The following AEBP2 variants were observed in gnomAD, a reference collection of about 807,000 sequenced individuals.
The protein encoded by AEBP2 is zinc finger protein AEBP2.
A neutral mutation model predicts 50.8 loss-of-function variants in AEBP2; 10 were observed. The ratio of observed to expected loss-of-function variants is 0.20; its 90% CI spans 0.12 to 0.33. The LOEUF (loss-of-function observed/expected upper bound fraction) is 0.33, where lower values mean the gene tolerates loss of function less well. AEBP2 is among the 10% of genes least tolerant of loss of function. The probability of loss-of-function intolerance (pLI) is 1.00; values close to 1 mark genes in which losing one functional copy is unlikely to be tolerated. For synonymous variants in AEBP2, 296 were observed against 261.3 expected, an observed-to-expected ratio of 1.13 and a Z score of -1.28; for missense variants, 570 against 688.0, an observed-to-expected ratio of 0.83 and a Z score of 1.92.
chr12:19,508,928 C>T (rs536317402), intron 5 of AEBP2: 5 of 411,694 alleles, frequency 1.2e-5, no homozygotes, highest in Admixed American at 2.5e-5. Flanking sequence ...GACATACTGT[C>T]GTAGGCTTTT....
chr12:19,473,271 T>A lies in AEBP2; in HGVS notation c.903T>A (p.Gly301=). The A allele has an allele frequency of 2.0e-6, 3 of 1,506,884 alleles. No homozygotes were observed. The highest frequency in any genetic ancestry group is 2.7e-6 in the Non-Finnish European group (3 of 1,125,918). The allele number at this position is 1,506,884 out of a possible 1,614,324, so 93.3% of individuals were successfully genotyped here. A position where few individuals can be genotyped will look rare whatever the true frequency, so the allele number is the denominator to read the frequency against. ...AGGTATTTGTTTGCTTATGGAAAGG[T>A]TGTAAAGTATATAACACTCCATCTA... The part of the protein sequence containing the change: ...RGGVFVCLWK[G]CKVYNTPSTS... The change falls in exon 3 of 8, where the codon GGT becomes GGA. Residue 301 remains glycine (G), a synonymous_variant. Transcript: ENST00000266508.
intron 1 of AEBP2, among the ~76,000 whole-genome samples, chr12:19,462,194 G>T (rs1184192983): frequency 6.6e-6 from 1 of 152,162 alleles, no homozygotes; most frequent in East Asian, 1.9e-4. Context: ...GGGATGAGAT[G>T]TGATAAGCTG....
At chr12:19,483,339 G>A (rs553550955) in intron 3 of AEBP2, among the ~76,000 whole-genome samples, 5 of 152,150 alleles carry the variant, frequency 3.3e-5, no homozygotes, top group African/African-American at 7.2e-5. Flanking sequence ...AATCCGTCTC[G>A]TCTCCCATGA....
At chr12:19,514,000 T>G (rs530302128) in intron 6 of AEBP2, among the ~76,000 whole-genome samples, 1 of 151,320 alleles carries the variant, frequency 6.6e-6, no homozygotes, top group African/African-American at 2.4e-5. Flanking sequence ...CTGTTTTTTG[T>G]TTTTTTGGTT....
intron 3 of AEBP2, among the ~76,000 whole-genome samples, chr12:19,483,985 T>C (rs1948769378): frequency 1.3e-5 from 2 of 152,224 alleles, no homozygotes; most frequent in Admixed American, 1.3e-4. Flanking sequence ...GTCTGCCTAA[T>C]GTTGGAGTGT....
chr12:19,471,635 C>A (rs1335265810), intron 2 of AEBP2, among the ~76,000 whole-genome samples: 1 of 151,948 alleles, frequency 6.6e-6, no homozygotes, highest in Non-Finnish European at 1.5e-5. Flanking sequence ...TAGCCCTATG[C>A]CCCACCACCA....
chr12:19,495,293 A>C (rs993348831), intron 4 of AEBP2, among the ~76,000 whole-genome samples: 5 of 152,248 alleles, frequency 3.3e-5, no homozygotes, highest in African/African-American at 1.2e-4. Flanking sequence ...AGTCTACTCC[A>C]AAGGTGAATT....
intron 5 of AEBP2, among the ~76,000 whole-genome samples, chr12:19,506,123 G>A (rs566187210): frequency 2.6e-5 from 4 of 151,568 alleles, no homozygotes; most frequent in Non-Finnish European, 4.4e-5. Context: ...TTGAGACAGA[G>A]CCTTGCTGTG....
At chr12:19,493,229 A>G (rs948436849) in intron 3 of AEBP2, among the ~76,000 whole-genome samples, 10 of 152,086 alleles carry the variant, frequency 6.6e-5, no homozygotes, top group African/African-American at 2.4e-4. Context: ...TGGTGAAACC[A>G]TAGCTCTACT....
intron 5 of AEBP2, among the ~76,000 whole-genome samples, chr12:19,510,922 G>A (rs1052144248): frequency 1.5e-4 from 20 of 137,750 alleles, no homozygotes; most frequent in South Asian, 6.8e-4. Context: ...GTGCAGTGGC[G>A]CAGTCACAGC....
intron 1 of AEBP2, among the ~76,000 whole-genome samples, chr12:19,445,450 A>G (rs999961603): frequency 2.6e-5 from 4 of 151,494 alleles, no homozygotes; most frequent in Admixed American, 2.6e-4. Flanking sequence ...TTGACCTCAA[A>G]TGATCCGCTT....
At chr12:19,485,966 T>TTTC (rs1948802949) in intron 3 of AEBP2, among the ~76,000 whole-genome samples, 2 of 143,884 alleles carry the variant, frequency 1.4e-5, no homozygotes, top group African/African-American at 5.0e-5. Flanking sequence ...TTTTTTTTTT[T>TTTC]TTCATTTTGT....
chr12:19,513,716 T>C (rs1949270472), intron 6 of AEBP2, among the ~76,000 whole-genome samples: 1 of 152,152 alleles, frequency 6.6e-6, no homozygotes, highest in Non-Finnish European at 1.5e-5. Flanking sequence ...TGAGCCGTGA[T>C]TGTACCACTG....
At chr12:19,447,691 AT>A (rs1948097621) in intron 1 of AEBP2, among the ~76,000 whole-genome samples, 2 of 148,450 alleles carry the variant, frequency 1.3e-5, no homozygotes, top group Non-Finnish European at 3.1e-5. Context: ...AGTCATTTAT[AT>A]ATCCCCATTT....
At chr12:19,447,509 T>G (rs959200905) in intron 1 of AEBP2, among the ~76,000 whole-genome samples, 2 of 152,212 alleles carry the variant, frequency 1.3e-5, no homozygotes, top group South Asian at 2.1e-4. Context: ...AACAATAGTT[T>G]GCATTGTTTT....
intron 1 of AEBP2, among the ~76,000 whole-genome samples, chr12:19,428,629 T>C (rs538409940): frequency 8.5e-5 from 13 of 152,306 alleles, no homozygotes; most frequent in Admixed American, 8.5e-4. Context: ...CTGGCCAACA[T>C]AGTGAAACGC....
chr12:19,427,825 A>AT lies in AEBP2; in HGVS notation c.-17+23613dup, dbSNP rs201840087. The stretch of plus-strand genomic sequence containing the variant: ...GGTGGGAAGGACAGGAAATTGAAGG[A>AT]TTTTACTCCTCAGAGCCTCCGTTTT... On this transcript the variant is annotated intron_variant, in intron 1 of 3. Coordinates refer to the AEBP2 transcript ENST00000538425. 9.5e-3 allele frequency among the ~76,000 whole-genome samples: 1,444 copies of AT among 152,126 alleles called. 13 individuals are homozygous for AT. Among genetic ancestry groups the AT allele is most frequent in the Middle Eastern group, 0.037 (11 of 294 alleles).
intron 3 of AEBP2, among the ~76,000 whole-genome samples, chr12:19,489,290 G>C (rs993143991): frequency 3.2e-4 from 49 of 152,344 alleles, no homozygotes; most frequent in African/African-American, 1.2e-3. Context: ...AGGTGAAGGG[G>C]AAGCAGTATC....
intron 1 of AEBP2, among the ~76,000 whole-genome samples, chr12:19,404,886 T>C (rs1334478062): frequency 6.6e-6 from 1 of 151,852 alleles, no homozygotes; most frequent in Admixed American, 6.6e-5. Flanking sequence ...TTTTAGTTTC[T>C]ATAGGGAACC....
Sources: allele counts gnomAD v4.1 joint callset (sites outside exome capture counted in the v4.1 genomes callset), GRCh38; gene constraint gnomAD v4.1.1; transcripts MANE v1.5; gene names NCBI Gene and HGNC (gene_info 2026-07-23, HGNC 2026-07-21).